The following FRMD4A variants were observed in gnomAD, a reference collection of about 807,000 sequenced individuals.
FRMD4A encodes FERM domain-containing protein 4A.
Under a neutral mutation model 129.1 loss-of-function variants are expected in FRMD4A, and 29 were observed. The observed-to-expected ratio is 0.22, with a 90% CI of 0.17 to 0.31. The LOEUF (loss-of-function observed/expected upper bound fraction) is 0.31. Ranked by LOEUF, FRMD4A falls within the 10% of genes least tolerant of loss-of-function variation. The probability of loss-of-function intolerance (pLI) is 1.00; values close to 1 mark genes in which losing one functional copy is unlikely to be tolerated. For missense variants in FRMD4A, 1,272 were observed against 1,375.8 expected (o/e 0.92, Z 1.19); for synonymous variants, 634 against 571.6 (o/e 1.11, Z -1.56).
intron 2 of FRMD4A, among the ~76,000 whole-genome samples, chr10:14,240,633 A>G (rs964679334): frequency 3.3e-5 from 5 of 152,148 alleles, no homozygotes; most frequent in Non-Finnish European, 5.9e-5. Context: ...GTACCTGCAT[A>G]ACGTTTAACC....
intron 12 of FRMD4A, among the ~76,000 whole-genome samples, chr10:13,713,544 C>T (rs1541010): frequency 0.28 from 42,199 of 151,674 alleles, 6,047 homozygotes; most frequent in African/African-American, 0.32. Flanking sequence ...AATCTTTAGA[C>T]GGATTTACAT....
At position 13,849,946 on chromosome 10, in the gene FRMD4A, A is replaced by G. The variant is rs571204453; in HGVS notation, c.111+8901T>C. 8.5e-4 allele frequency among the ~76,000 whole-genome samples: 129 copies of G among 151,672 alleles called. 2 individuals are homozygous for G. Among genetic ancestry groups the G allele is most frequent in the Non-Finnish European group, 2.5e-4 (17 of 67,844 alleles). On this transcript the variant is annotated intron_variant, in intron 3 of 24. Coordinates refer to ENST00000357447, the MANE Select transcript of FRMD4A (RefSeq NM_018027.5). ...GCATTTGGGAGGCCGAGGTGGGTGG[A>G]TCACCTGAGATCAGGAGTTCGAGAC...
At chr10:13,804,009 G>A (rs1213818646) in intron 4 of FRMD4A, among the ~76,000 whole-genome samples, 2 of 152,198 alleles carry the variant, frequency 1.3e-5, no homozygotes, top group South Asian at 2.1e-4. Context: ...CGTTCTTTTT[G>A]TTTATCTTAG....
chr10:14,276,561 C>A (rs1013713309), intron 2 of FRMD4A, among the ~76,000 whole-genome samples: 1 of 152,210 alleles, frequency 6.6e-6, no homozygotes, highest in African/African-American at 2.4e-5. Context: ...GTACAATTTG[C>A]CACTTTGGCC....
rs549538016 is a variant in FRMD4A at position 14,172,945 on chromosome 10, C to A, written c.45+157113G>T. 2.6e-5 allele frequency among the ~76,000 whole-genome samples: 4 copies of A among 152,238 alleles called. No homozygotes were observed. The South Asian group carries it at 8.3e-4, about 32-fold the overall frequency. On this transcript the variant is annotated intron_variant, in intron 2 of 24. Transcript: ENST00000357447. ...GAACATAACAGAGATGGGAAATTCT[C>A]GCAAAGGATGGGGTGTCTTCCTGCA...
chr10:14,292,010 C>G (rs980621094), intron 2 of FRMD4A, among the ~76,000 whole-genome samples: 6 of 151,936 alleles, frequency 3.9e-5, no homozygotes, highest in African/African-American at 1.2e-4. Context: ...CATATAGGTG[C>G]TTTATAAAGA....
intron 2 of FRMD4A, among the ~76,000 whole-genome samples, chr10:13,900,441 C>CA (rs2094806561): frequency 6.6e-6 from 1 of 152,116 alleles, no homozygotes; most frequent in East Asian, 1.9e-4. Context: ...AAGAATCAAT[C>CA]AAAACATCAC....
chr10:14,137,140 G>A (rs950815055), intron 2 of FRMD4A, among the ~76,000 whole-genome samples: 1 of 152,182 alleles, frequency 6.6e-6, no homozygotes, highest in African/African-American at 2.4e-5. Flanking sequence ...TGTTCATAAG[G>A]CCTCGCCTCC....
chr10:13,891,483 C>T, intron 2 of FRMD4A: 1 of 491,980 alleles, frequency 2.0e-6, no homozygotes, highest in Non-Finnish European at 2.6e-6. Context: ...CTGTAACATA[C>T]GCGAAATAAA....
At chr10:13,751,018 G>A (rs1348137632) in intron 8 of FRMD4A, among the ~76,000 whole-genome samples, 3 of 152,206 alleles carry the variant, frequency 2.0e-5, no homozygotes, top group Admixed American at 6.5e-5. Context: ...CACACAGAGG[G>A]CTGGCTTCAA....
chr10:14,330,211 C>T (rs529030779), intron 1 of FRMD4A, 28 bp from the exon 2 acceptor site: 1 of 1,141,164 alleles, frequency 8.8e-7, no homozygotes, highest in Non-Finnish European at 1.3e-6. Flanking sequence ...AAAATCCAGA[C>T]TTAGGGAGCA....
intron 2 of FRMD4A, among the ~76,000 whole-genome samples, chr10:14,224,096 G>T (rs973180230): frequency 3.3e-5 from 5 of 152,288 alleles, no homozygotes; most frequent in African/African-American, 1.2e-4. Flanking sequence ...ACAGGACGGG[G>T]CTGCTTTGCC....
chr10:14,100,024 C>G (rs1038361375), intron 2 of FRMD4A, among the ~76,000 whole-genome samples: 1 of 152,196 alleles, frequency 6.6e-6, no homozygotes, highest in Non-Finnish European at 1.5e-5. Context: ...CACTGGGGTA[C>G]AGCACAGATC....
At chr10:14,328,632 G>A (rs995874943) in intron 2 of FRMD4A, among the ~76,000 whole-genome samples, 1 of 146,754 alleles carries the variant, frequency 6.8e-6, no homozygotes, top group South Asian at 2.1e-4. Flanking sequence ...ATGCATGTGT[G>A]TGTGTGTGTG....
intron 5 of FRMD4A, among the ~76,000 whole-genome samples, chr10:13,790,744 C>T (rs528211491): frequency 5.3e-5 from 8 of 151,922 alleles, no homozygotes; most frequent in South Asian, 2.1e-4. Context: ...GAATGAGGAA[C>T]GAGAGGCCTG....
At chr10:13,814,642 A>C (rs1271141487) in intron 3 of FRMD4A, among the ~76,000 whole-genome samples, 5 of 151,090 alleles carry the variant, frequency 3.3e-5, no homozygotes, top group Admixed American at 3.3e-4. Flanking sequence ...AAAAAAAGAA[A>C]GAAAGAAAGA....
intron 22 of FRMD4A, chr10:13,655,191 A>G (rs2082036200): frequency 6.6e-6 from 1 of 152,210 alleles, no homozygotes; most frequent in South Asian, 2.1e-4. Context: ...TTTTTTGGTA[A>G]AGGAATCCTT....
intron 3 of FRMD4A, among the ~76,000 whole-genome samples, chr10:13,848,654 G>T (rs1414017168): frequency 4.0e-5 from 6 of 150,672 alleles, no homozygotes; most frequent in African/African-American, 1.2e-4. Flanking sequence ...GCGGCAGGGG[G>T]TTCCCTAGAT....
chr10:14,043,241 T>C (rs1353320130), intron 2 of FRMD4A, among the ~76,000 whole-genome samples: 1 of 152,204 alleles, frequency 6.6e-6, no homozygotes. Flanking sequence ...CAAATATATT[T>C]CTGAGGGATT....
Sources: allele counts gnomAD v4.1 joint callset (sites outside exome capture counted in the v4.1 genomes callset), GRCh38; gene constraint gnomAD v4.1.1; transcripts MANE v1.5; gene names NCBI Gene and HGNC (gene_info 2026-07-23, HGNC 2026-07-21).